OCA2: variants seen among roughly 807,000 people sequenced by gnomAD.
OCA2 encodes the protein OCA2 melanosomal transmembrane protein, also known as P protein.
A neutral mutation model predicts 100.2 loss-of-function variants in OCA2; 77 were observed. The ratio of observed to expected loss-of-function variants is 0.77; its 90% CI spans 0.64 to 0.93. The LOEUF (loss-of-function observed/expected upper bound fraction) is 0.93. Among genes scored for constraint, OCA2 ranks in the 40% least tolerant of loss-of-function variants. The pLI, the probability that OCA2 is intolerant of heterozygous loss-of-function variation, is 0.00. For missense variants in OCA2, 1,062 were observed against 1,089.1 expected (o/e 0.98, Z 0.35); for synonymous variants, 432 against 439.2 (o/e 0.98, Z 0.21).
chr15:27,841,979 T>G (rs1158912889), intron 23 of OCA2, among the ~76,000 whole-genome samples: 1 of 152,262 alleles, frequency 6.6e-6, no homozygotes, highest in Non-Finnish European at 1.5e-5. Context: ...TCTTAAAACA[T>G]CACTCATTTA....
chr15:27,845,590 T>C (rs917882196), intron 22 of OCA2, among the ~76,000 whole-genome samples: 3 of 152,166 alleles, frequency 2.0e-5, no homozygotes, highest in Admixed American at 2.0e-4. Context: ...CACACATGCA[T>C]GCGTGCCATC....
intron 4 of OCA2, among the ~76,000 whole-genome samples, chr15:28,025,742 G>A (rs935158047): frequency 2.0e-5 from 3 of 152,240 alleles, no homozygotes; most frequent in South Asian, 2.1e-4. Flanking sequence ...GCACTAGAGC[G>A]TTTTTGCTTT....
chr15:28,011,785 G>A (rs1326136005), intron 9 of OCA2, among the ~76,000 whole-genome samples: 1 of 151,964 alleles, frequency 6.6e-6, no homozygotes, highest in Non-Finnish European at 1.5e-5. Flanking sequence ...AGGTGTGGTG[G>A]CACGCACCTG....
At chr15:27,933,451 C>T (rs1009859236) in intron 18 of OCA2, among the ~76,000 whole-genome samples, 4 of 152,034 alleles carry the variant, frequency 2.6e-5, no homozygotes, top group East Asian at 1.9e-4. Flanking sequence ...TTGGAGATAA[C>T]GGTAATGGTG....
At chr15:28,085,852 A>G (rs1390929900) in intron 1 of OCA2, among the ~76,000 whole-genome samples, 1 of 152,204 alleles carries the variant, frequency 6.6e-6, no homozygotes, top group East Asian at 1.9e-4. Context: ...AAAAAGCCCC[A>G]AAGAAGCCTG....
intron 2 of OCA2, among the ~76,000 whole-genome samples, chr15:28,049,685 G>A (rs2043450075): frequency 6.6e-6 from 1 of 152,200 alleles, no homozygotes; most frequent in South Asian, 2.1e-4. Context: ...AAAACATCAT[G>A]CTGAATGAAT....
rs2040249738 is a variant in OCA2 at position 27,957,147 on chromosome 15, A to G, written c.1784+441T>C. Among the ~76,000 whole-genome samples, 1 of 152,236 alleles carries G rather than the reference A, an allele frequency of 6.6e-6. No individual in the cohort carries two copies. Among genetic ancestry groups the G allele is most frequent in the African/African-American group, 2.4e-5 (1 of 41,468 alleles). ...CTTCAATTAACAACGAATGCCAGGA[A>G]ACAAATTGAGTGGGGCTTTCATATT... On this transcript the variant is annotated intron_variant, in intron 16 of 23. Coordinates refer to ENST00000354638, the MANE Select transcript of OCA2 (RefSeq NM_000275.3). The surrounding 1 kb of genome is among the most constrained non-coding windows in gnomAD (Gnocchi z 4.3).
intron 1 of OCA2, among the ~76,000 whole-genome samples, chr15:28,088,044 G>A (rs183754144): frequency 7.2e-4 from 109 of 151,572 alleles, no homozygotes; most frequent in African/African-American, 2.5e-3. Flanking sequence ...CCTGGGCAGC[G>A]AAAGCGAACC....
intron 2 of OCA2, among the ~76,000 whole-genome samples, chr15:28,047,939 A>C (rs1185140324): frequency 1.3e-5 from 2 of 152,232 alleles, no homozygotes; most frequent in African/African-American, 4.8e-5. Context: ...TACAATTTTC[A>C]ATGCAAAATA....
chr15:28,003,859 C>T (rs992557564), intron 9 of OCA2, among the ~76,000 whole-genome samples: 3 of 152,226 alleles, frequency 2.0e-5, no homozygotes, highest in African/African-American at 7.2e-5. Context: ...AACCCGCCCG[C>T]GCCGCCTGCT....
chr15:27,857,642 G>A (rs1342727694), intron 21 of OCA2, among the ~76,000 whole-genome samples: 2 of 151,784 alleles, frequency 1.3e-5, no homozygotes, highest in Non-Finnish European at 2.9e-5. Context: ...TAGGCCTGAG[G>A]AGCAGAAAGT....
At chr15:28,049,188 A>T (rs2043433082) in intron 2 of OCA2, among the ~76,000 whole-genome samples, 1 of 152,242 alleles carries the variant, frequency 6.6e-6, no homozygotes, top group African/African-American at 2.4e-5. Context: ...CAGTTCTTCA[A>T]AGAAGATATA....
intron 18 of OCA2, among the ~76,000 whole-genome samples, chr15:27,947,362 A>G (rs1365430009): frequency 1.3e-5 from 2 of 152,172 alleles, no homozygotes; most frequent in African/African-American, 4.8e-5. Context: ...CTGTGAGGTG[A>G]TGGTCCCTGC....
At chr15:27,995,836 G>A (rs1252174882) in intron 9 of OCA2, among the ~76,000 whole-genome samples, 9 of 125,654 alleles carry the variant, frequency 7.2e-5, no homozygotes, top group African/African-American at 2.6e-4. Context: ...TTTTTGAGAT[G>A]GAGTCTCGCT....
chr15:27,856,973 A>G (rs775379928), intron 21 of OCA2, among the ~76,000 whole-genome samples: 4 of 152,228 alleles, frequency 2.6e-5, no homozygotes, highest in Non-Finnish European at 4.4e-5. Flanking sequence ...AAAGAAGATT[A>G]CACAACATAC....
the OCA2 span, among the ~76,000 whole-genome samples, chr15:27,721,412 T>C: frequency 2.6e-5 from 4 of 152,140 alleles, no homozygotes; most frequent in African/African-American, 4.8e-5. Flanking sequence ...ATACATCACA[T>C]TATACGTGAC....
chr15:27,996,303 T>C (rs1040672623), intron 9 of OCA2, among the ~76,000 whole-genome samples: 3 of 152,218 alleles, frequency 2.0e-5, no homozygotes, highest in African/African-American at 7.2e-5. Flanking sequence ...GACACTACAG[T>C]GTATAAATGA....
At chr15:27,897,284 C>T (rs1471203876) in intron 19 of OCA2, among the ~76,000 whole-genome samples, 1 of 152,166 alleles carries the variant, frequency 6.6e-6, no homozygotes, top group African/African-American at 2.4e-5. Flanking sequence ...GGGCCCAGTG[C>T]CTCCCTGCCC....
chr15:28,045,920 T>G (rs2043333980), intron 2 of OCA2, among the ~76,000 whole-genome samples: 2 of 152,134 alleles, frequency 1.3e-5, no homozygotes, highest in Admixed American at 1.3e-4. Context: ...ACCAAAACCC[T>G]CAGTCTTGAG....
Sources: gnomAD v4.1 joint callset for allele counts (sites outside exome capture counted in the v4.1 genomes callset) on GRCh38, gnomAD v4.1.1 for gene constraint, Gnocchi (gnomAD v3.1) non-coding constraint, MANE v1.5 for transcripts, NCBI Gene and HGNC (gene_info 2026-07-23, HGNC 2026-07-21) for gene names.